The following SMARCD3 variants were observed in gnomAD, a reference collection of about 807,000 sequenced individuals.
SMARCD3 encodes the protein SWI/SNF-related matrix-associated actin-dependent regulator of chromatin subfamily D member 3.
Under a neutral mutation model 58.0 loss-of-function variants are expected in SMARCD3, and 14 were observed. The observed-to-expected ratio is 0.24, with a 90% CI of 0.16 to 0.38. The LOEUF is 0.38. Ranked by LOEUF, SMARCD3 falls within the 10% of genes least tolerant of loss-of-function variation. SMARCD3 has a pLI of 1.00. For synonymous variants in SMARCD3, 253 were observed against 253.8 expected (o/e 1.00, Z 0.03); for missense variants, 408 against 636.9 (o/e 0.64, Z 3.87).
chr7:151,269,666 C>T (rs932789733), intron 2 of SMARCD3, among the ~76,000 whole-genome samples: 1 of 152,206 alleles, frequency 6.6e-6, no homozygotes, highest in South Asian at 2.1e-4. Flanking sequence ...CTGGGACCTG[C>T]AACCAAGGGA....
At chr7:151,256,515 A>G (rs1220761457) in intron 2 of SMARCD3, among the ~76,000 whole-genome samples, 2 of 152,098 alleles carry the variant, frequency 1.3e-5, no homozygotes, top group Admixed American at 1.3e-4. Flanking sequence ...ATCCAGCTTC[A>G]CCAGCTCCTC....
chr7:151,248,732 C>A, upstream of SMARCD3: 1 of 1,183,988 alleles, frequency 8.4e-7, no homozygotes, highest in Non-Finnish European at 1.0e-6. This position sits in a 1 kb window ranked among gnomAD's most constrained non-coding sequence, Gnocchi z 6.1. Context: ...TGACGGCCCA[C>A]GGCCCACGCC....
intron 2 of SMARCD3, among the ~76,000 whole-genome samples, chr7:151,264,691 A>G (rs1804027018): frequency 6.6e-6 from 1 of 152,184 alleles, no homozygotes; most frequent in African/African-American, 2.4e-5. Context: ...AGTTCTGGGG[A>G]GCCCAGTGGA....
upstream of SMARCD3, among the ~76,000 whole-genome samples, chr7:151,253,397 G>A (rs958657411): frequency 6.6e-6 from 1 of 152,298 alleles, no homozygotes; most frequent in African/African-American, 2.4e-5. Context: ...TCAGCATCCA[G>A]ACAGCAGGGT....
chr7:151,239,858 C>A lies in SMARCD3; in HGVS notation c.1174-112G>T. On this transcript the variant is annotated intron_variant, in intron 10 of 12. Coordinates refer to ENST00000262188, the MANE Select transcript of SMARCD3 (RefSeq NM_001003801.2). The surrounding 1 kb of genome is among the most constrained non-coding windows in gnomAD (Gnocchi z 7.0). ...AGGGGGTTTCTTCTGTGAAGGACAA[C>A]CCCTCAGAGCCCCTGATTTCTCTGA... is the stretch of plus-strand genomic sequence containing the variant. The A allele has an allele frequency of 8.8e-7, 1 of 1,139,810 alleles. No homozygotes were observed. The highest frequency in any genetic ancestry group is 2.1e-5 in the Admixed American group (1 of 47,258). 70.6% of individuals were successfully genotyped at this position (1,139,810 alleles called of 1,614,324 possible).
intron 1 of SMARCD3, chr7:151,276,594 T>C (rs1795351939): frequency 9.9e-6 from 1 of 100,940 alleles, no homozygotes; most frequent in Non-Finnish European, 1.9e-5. Context: ...AGTCTGCCAG[T>C]CAGGGAAGAG....
rs219233 is a variant in SMARCD3, at chr7:151,247,038, G to A, written c.79-1367C>T. Among the ~76,000 whole-genome samples, 11 of 151,790 alleles carry A rather than the reference G, an allele frequency of 7.2e-5. 1 individual carries two copies. The highest frequency in any genetic ancestry group is 2.9e-5 in the Non-Finnish European group (2 of 67,916). On this transcript the variant is annotated intron_variant, in intron 1 of 12. Transcript: ENST00000262188. ...CTAACCCTAATGTCCTCCCACCCTCGGTCAGCAGCTGTCTCTGCCTATCTC... is the reference window on the plus strand; with the variant it reads ...CTAACCCTAATGTCCTCCCACCCTCAGTCAGCAGCTGTCTCTGCCTATCTC...
Position 151,245,527 on chromosome 7 carries a change from G to T in SMARCD3, c.223C>A (p.Pro75Thr), listed in dbSNP as rs1386342674. 1.6e-6 allele frequency: 2 copies of T among 1,221,484 alleles called. No homozygotes were observed. Among genetic ancestry groups the T allele is most frequent in the South Asian group, 4.1e-5 (1 of 24,196 alleles). 75.7% of individuals were successfully genotyped at this position (1,221,484 alleles called of 1,614,324 possible). A position where few individuals can be genotyped will look rare whatever the true frequency, so the allele number is the denominator to read the frequency against. The change falls in exon 2 of 13, where the codon CCG becomes ACG. Residue 75 changes from proline to threonine, a missense_variant. Physicochemically the swap from Pro to Thr is conservative, Grantham distance 38. Coordinates refer to ENST00000262188, the MANE Select transcript of SMARCD3 (RefSeq NM_001003801.2). The surrounding 1 kb of genome is among the most constrained non-coding windows in gnomAD (Gnocchi z 6.2). ...CTCTGTGCCTGGCTCTGCCCGGGCG[G>T]GGGCGCTGCTCGCTTGCGGGCGGGC... ...MEPARKRAAP[P>T]PGQSQAQSQG...
chr7:151,241,582 A>C lies in SMARCD3; in HGVS notation c.849T>G (p.Ile283Met), dbSNP rs756066902. The stretch of plus-strand genomic sequence containing the variant: ...TCACATACTGCCACAGGGCCTGGAC[A>C]ATGGCTGAGCGGCTCTGTGTGTGCA... ...LGLHTQSRSA[I>M]VQALWQYVKT... Residue 283 changes from isoleucine to methionine, a missense_variant, in exon 8 of 13, where the codon ATT becomes ATG. Around this residue, in one of 4 missense-constraint regions of SMARCD3, gnomAD observed 115 missense variants for 257.2 expected, o/e 0.45. Coordinates refer to ENST00000262188, the MANE Select transcript of SMARCD3 (RefSeq NM_001003801.2). The surrounding 1 kb of genome is among the most constrained non-coding windows in gnomAD (Gnocchi z 5.3). 1.9e-6 allele frequency: 3 copies of C among 1,611,520 alleles called. No homozygotes were observed. Among genetic ancestry groups the C allele is most frequent in the Non-Finnish European group, 2.5e-6 (3 of 1,178,852 alleles).
At position 151,241,422 on chromosome 7, in the gene SMARCD3, G is replaced by A. The variant is rs1426697149; in HGVS notation, c.939+70C>T. On this transcript the variant is annotated intron_variant, in intron 8 of 12. Coordinates refer to ENST00000262188, the MANE Select transcript of SMARCD3 (RefSeq NM_001003801.2). This position sits in a 1 kb window ranked among gnomAD's most constrained non-coding sequence, Gnocchi z 5.3. ...AGAAGGGAGGGGTGGTAGTTACCTT[G>A]GTAGAGGTACTTCCCCTGCTGGAGA... The A allele has an allele frequency of 7.5e-7, 1 of 1,337,148 alleles. No individual in the cohort carries two copies. Among genetic ancestry groups the A allele is most frequent in the Admixed American group, 1.9e-5 (1 of 52,250 alleles). 82.8% of individuals were successfully genotyped at this position (1,337,148 alleles called of 1,614,324 possible).
chr7:151,263,876 C>T (rs61655746), intron 2 of SMARCD3, among the ~76,000 whole-genome samples: 30,953 of 152,090 alleles, frequency 0.2, 3,589 homozygotes, highest in Non-Finnish European at 0.27. Flanking sequence ...CTGACAGAAT[C>T]CAAATTCCTT....
At position 151,239,688 on chromosome 7, in the gene SMARCD3, C is replaced by T; in HGVS notation, c.1232G>A (p.Ser411Asn). ...ATAGCCTTTGGGGTCTCTGGAGAAGCTTAGCATGAAGTCCCTCTGGATCTT... is the reference window on the plus strand; with the variant it reads ...ATAGCCTTTGGGGTCTCTGGAGAAGTTTAGCATGAAGTCCCTCTGGATCTT... ...QLKIQRDFML[S>N]FSRDPKGYVQ... Residue 411 changes from serine to asparagine, a missense_variant, in exon 11 of 13, where the codon AGC (serine) becomes AAC (asparagine). Ser to Asn is a conservative substitution (Grantham distance 46). This residue lies in a region of SMARCD3 where 81 missense variants were observed against 109.7 expected (regional missense o/e 0.74). Transcript: ENST00000262188. This position sits in a 1 kb window ranked among gnomAD's most constrained non-coding sequence, Gnocchi z 7.0. The T allele has an allele frequency of 6.2e-7, 1 of 1,614,042 alleles. No homozygotes were observed. Among genetic ancestry groups the T allele is most frequent in the South Asian group, 1.1e-5 (1 of 91,086 alleles).
chr7:151,252,868 TC>T, upstream of SMARCD3, among the ~76,000 whole-genome samples: 1 of 152,352 alleles, frequency 6.6e-6, no homozygotes, highest in Non-Finnish European at 1.5e-5. Flanking sequence ...TCTGCTGCTA[TC>T]AAGGGGGCTG....
At chr7:151,276,338 T>G (rs1584903610) in intron 1 of SMARCD3, among the ~76,000 whole-genome samples, 26 of 95,092 alleles carry the variant, frequency 2.7e-4, no homozygotes, top group Admixed American at 5.7e-4. Flanking sequence ...ACAGGGGGAG[T>G]AGGAAGCAGA....
At chr7:151,254,629 C>T (rs1803641982) in intron 2 of SMARCD3, among the ~76,000 whole-genome samples, 1 of 152,240 alleles carries the variant, frequency 6.6e-6, no homozygotes, top group South Asian at 2.1e-4. Flanking sequence ...CTGTGTTCCC[C>T]AGGCCCCAGC....
chr7:151,241,278 G>A lies in SMARCD3; in HGVS notation c.939+214C>T. 1 of 609,786 alleles carries A rather than the reference G, an allele frequency of 1.6e-6. No homozygotes were observed. The highest frequency in any genetic ancestry group is 3.0e-6 in the Non-Finnish European group (1 of 334,812). The allele number at this position is 609,786 out of a possible 1,614,324, so 37.8% of individuals were successfully genotyped here. Reference sequence around the variant, plus strand: ...TTTCCAGGTCTTCCTAACTTGGGGGGGCTAACATGGATTGGCTGCAGCACA... The same window carrying A: ...TTTCCAGGTCTTCCTAACTTGGGGGAGCTAACATGGATTGGCTGCAGCACA... On this transcript the variant is annotated intron_variant, in intron 8 of 12. Transcript: ENST00000262188. The surrounding 1 kb of genome is among the most constrained non-coding windows in gnomAD (Gnocchi z 5.3).
At chr7:151,267,006 C>T (rs1348515012) in intron 2 of SMARCD3, among the ~76,000 whole-genome samples, 3 of 152,190 alleles carry the variant, frequency 2.0e-5, no homozygotes. Flanking sequence ...GCCACTGCAC[C>T]CAGCTGGTGG....
At chr7:151,259,923 A>G (rs1221200008) in intron 2 of SMARCD3, among the ~76,000 whole-genome samples, 3 of 152,130 alleles carry the variant, frequency 2.0e-5, no homozygotes, top group Non-Finnish European at 4.4e-5. Flanking sequence ...ACTTGTTATC[A>G]TAGGAGTAAT....
chr7:151,239,369 A>G lies in SMARCD3; in HGVS notation c.1398+27T>C. 1 of 1,565,864 alleles carries G rather than the reference A, an allele frequency of 6.4e-7. No homozygotes were observed. Among genetic ancestry groups the G allele is most frequent in the Non-Finnish European group, 8.8e-7 (1 of 1,136,804 alleles). On this transcript the variant is annotated intron_variant, in intron 12 of 12. Coordinates refer to ENST00000262188, the MANE Select transcript of SMARCD3 (RefSeq NM_001003801.2). This position sits in a 1 kb window ranked among gnomAD's most constrained non-coding sequence, Gnocchi z 7.0. ...TTTCTCTTGGAGTTGAGGATGGGGAAGCCTCAGGGCAAGGGTCCCTGCATA... is the reference window on the plus strand; with the variant it reads ...TTTCTCTTGGAGTTGAGGATGGGGAGGCCTCAGGGCAAGGGTCCCTGCATA...
Sources: gnomAD v4.1 joint callset for allele counts (sites outside exome capture counted in the v4.1 genomes callset) on GRCh38, gnomAD v4.1.1 for gene constraint, gnomAD v4.1.1 regional missense constraint, Gnocchi (gnomAD v3.1) non-coding constraint, MANE v1.5 for transcripts, NCBI Gene and HGNC (gene_info 2026-07-23, HGNC 2026-07-21) for gene names.